Variants in STN1 observed in about 807,000 individuals in gnomAD.
STN1 encodes STN1 subunit of CST complex, also known as CST complex subunit STN1.
In STN1, 29 loss-of-function variants were observed where a neutral mutation model predicts 45.5. The observed-to-expected ratio is 0.64, with a 90% CI of 0.47 to 0.87. The LOEUF is 0.87. STN1 is among the 40% of genes least tolerant of loss of function. The probability of loss-of-function intolerance (pLI) is 0.00; values close to 1 mark genes in which losing one functional copy is unlikely to be tolerated. For missense variants in STN1, 376 were observed against 441.4 expected, an observed-to-expected ratio of 0.85 and a Z score of 1.33; for synonymous variants, 148 against 159.0, an observed-to-expected ratio of 0.93 and a Z score of 0.52.
intron 2 of STN1, among the ~76,000 whole-genome samples, chr10:103,916,274 C>T (rs1024681336): frequency 2.6e-5 from 4 of 152,186 alleles, no homozygotes; most frequent in African/African-American, 7.2e-5. Context: ...GTCCTTGGTA[C>T]CTGTTTTCTC....
At position 103,880,080 on chromosome 10, in the gene STN1, C is replaced by T. The variant is rs919812182; in HGVS notation, c.*2604G>A. On this transcript the variant is annotated 3_prime_UTR_variant, in exon 10 of 10. Coordinates refer to ENST00000224950, the MANE Select transcript of STN1 (RefSeq NM_024928.5). ...GCCTGGGCCAAGTATGGCTTCCACA[C>T]TGGTTGAGTTCTTGCCCAGCACCAA... 6.6e-6 allele frequency among the ~76,000 whole-genome samples: 1 copy of T among 152,230 alleles called. No individual in the cohort carries two copies. Among genetic ancestry groups the T allele is most frequent in the African/African-American group, 2.4e-5 (1 of 41,462 alleles).
chr10:103,882,673 C>A lies in STN1; in HGVS notation c.*11G>T. On this transcript the variant is annotated 3_prime_UTR_variant, in exon 10 of 10. Coordinates refer to ENST00000224950, the MANE Select transcript of STN1 (RefSeq NM_024928.5). The stretch of plus-strand genomic sequence containing the variant: ...ATCTTTGTCCTCCTCAGCTGGTCTG[C>A]GTGTCTCTGCTCAGAACGCTGTGTA... 2 of 1,596,866 alleles carry A rather than the reference C, an allele frequency of 1.3e-6. No individual in the cohort carries two copies. Among genetic ancestry groups the A allele is most frequent in the Non-Finnish European group, 1.7e-6 (2 of 1,168,968 alleles).
At chr10:103,887,336 A>C (rs72819477) in intron 9 of STN1, among the ~76,000 whole-genome samples, 18 of 152,354 alleles carry the variant, frequency 1.2e-4, no homozygotes, top group Non-Finnish European at 2.4e-4. Flanking sequence ...TATGTTTGTA[A>C]GTGCATATCT....
chr10:103,896,120 CT>C (rs1209350805), intron 7 of STN1, among the ~76,000 whole-genome samples: 1 of 152,194 alleles, frequency 6.6e-6, no homozygotes, highest in East Asian at 1.9e-4. Context: ...GGGAAAGAAA[CT>C]GACCTTTACC....
intron 3 of STN1, among the ~76,000 whole-genome samples, chr10:103,905,600 C>T (rs909104982): frequency 8.5e-5 from 13 of 152,264 alleles, no homozygotes; most frequent in African/African-American, 2.9e-4. Context: ...GCACTTAGGG[C>T]GCAGCCTTCT....
chr10:103,886,659 G>A (rs1843105489), intron 9 of STN1, among the ~76,000 whole-genome samples: 1 of 152,134 alleles, frequency 6.6e-6, no homozygotes, highest in Non-Finnish European at 1.5e-5. Flanking sequence ...AGAATTAGGG[G>A]TTACCACTTG....
intron 3 of STN1, among the ~76,000 whole-genome samples, chr10:103,908,870 A>G (rs892425360): frequency 6.7e-6 from 1 of 148,636 alleles, no homozygotes; most frequent in Non-Finnish European, 1.5e-5. Context: ...ACAGAAAACT[A>G]AAAATCAAAT....
chr10:103,907,563 T>A (rs1293137081), intron 3 of STN1, among the ~76,000 whole-genome samples: 3 of 152,214 alleles, frequency 2.0e-5, no homozygotes, highest in African/African-American at 7.2e-5. Context: ...CTATATTTCT[T>A]TGATACTGGG....
intron 4 of STN1, 95 bp downstream of exon 4, chr10:103,904,996 T>C (rs572397414): frequency 4.8e-6 from 5 of 1,041,114 alleles, no homozygotes; most frequent in Non-Finnish European, 7.5e-6. Context: ...AGCAGATAAA[T>C]GTGAAAATTT....
At chr10:103,911,090 T>TA (rs552320372) in intron 2 of STN1, among the ~76,000 whole-genome samples, 12 of 149,808 alleles carry the variant, frequency 8.0e-5, no homozygotes, top group African/African-American at 2.5e-4. Context: ...GCATTTTTTT[T>TA]AAAAAAAAAC....
At chr10:103,883,765 C>T (rs759896234) in intron 9 of STN1, among the ~76,000 whole-genome samples, 23 of 152,038 alleles carry the variant, frequency 1.5e-4, no homozygotes, top group Non-Finnish European at 2.8e-4. Flanking sequence ...TTGTATCAGC[C>T]CACTCCCTGT....
chr10:103,897,997 C>T (rs1843182664), intron 6 of STN1, among the ~76,000 whole-genome samples: 1 of 151,888 alleles, frequency 6.6e-6, no homozygotes, highest in South Asian at 2.1e-4. Context: ...AAATGGAAAC[C>T]CACAAAATCT....
At chr10:103,905,939 T>C (rs895106159) in intron 3 of STN1, among the ~76,000 whole-genome samples, 1 of 152,170 alleles carries the variant, frequency 6.6e-6, no homozygotes, top group African/African-American at 2.4e-5. Flanking sequence ...ATTTTCTCTT[T>C]GCCTAATTTC....
intron 1 of STN1, among the ~76,000 whole-genome samples, 184 bp from the exon 2 acceptor site, chr10:103,917,840 T>C (rs886995776): frequency 6.6e-6 from 1 of 152,216 alleles, no homozygotes; most frequent in Non-Finnish European, 1.5e-5. Flanking sequence ...GACGCCTGCG[T>C]TCCTTACGGC....
rs746752783 is a variant in STN1 at position 103,910,585 on chromosome 10, T to G, written c.171A>C (p.Val57=). The change falls in exon 3 of 10, where the codon GTA becomes GTC. Residue 57 remains valine, a synonymous_variant. Transcript: ENST00000224950. ...CTCCAATGACAGTTCCCAAGACATC[T>G]ACCTGTTTTATTGGATGTCCATTGT... is the stretch of plus-strand genomic sequence containing the variant. ...FLYNGHPIKQ[V]DVLGTVIGVR... 3.1e-6 allele frequency: 5 copies of G among 1,610,694 alleles called. No individual in the cohort carries two copies. Among genetic ancestry groups the G allele is most frequent in the Non-Finnish European group, 4.2e-6 (5 of 1,177,272 alleles).
intron 3 of STN1, among the ~76,000 whole-genome samples, chr10:103,908,007 T>C (rs1235827039): frequency 6.6e-6 from 1 of 151,866 alleles, no homozygotes; most frequent in Admixed American, 6.6e-5. Flanking sequence ...TAAGCACCTG[T>C]AGTCCCAGCT....
intron 3 of STN1, among the ~76,000 whole-genome samples, chr10:103,909,412 A>ATATATGTATATG (rs1564634978): frequency 6.2e-4 from 38 of 61,016 alleles, no homozygotes; most frequent in East Asian, 1.7e-3. Flanking sequence ...ATATATGTAT[A>ATATATGTATATG]TATGTATATA....
rs1024848993 is a variant in STN1 at position 103,889,593 on chromosome 10, A to C, written c.877-449T>G. Among the ~76,000 whole-genome samples the C allele has an allele frequency of 7.2e-5, 11 of 152,002 alleles. No individual in the cohort carries two copies. In the South Asian group the frequency reaches 8.3e-4, roughly 11 times the overall value. Reference sequence around the variant, plus strand: ...AAAAATAAAAGGAGAAAAAAAAAAAAAAAACCCTGCAAGGACAGGCTAGCA... The same window carrying C: ...AAAAATAAAAGGAGAAAAAAAAAAACAAAACCCTGCAAGGACAGGCTAGCA... On this transcript the variant is annotated intron_variant, in intron 8 of 9. Coordinates refer to ENST00000224950, the MANE Select transcript of STN1 (RefSeq NM_024928.5).
Position 103,897,341 on chromosome 10 carries a change from G to A in STN1, c.753+207C>T, listed in dbSNP as rs570860220. Among the ~76,000 whole-genome samples the A allele has an allele frequency of 7.2e-4, 109 of 151,890 alleles. 2 individuals are homozygous for A. The South Asian group carries it at 0.017, about 24-fold the overall frequency. On this transcript the variant is annotated intron_variant, in intron 7 of 9. Coordinates refer to ENST00000224950, the MANE Select transcript of STN1 (RefSeq NM_024928.5). ...AAAAAAAAGATTAGGTAAGGAGGAA[G>A]AAGGGGCAGGTCCAGCCTTATGCCT...
Sources: gnomAD v4.1 joint callset for allele counts (sites outside exome capture counted in the v4.1 genomes callset) on GRCh38, gnomAD v4.1.1 for gene constraint, MANE v1.5 for transcripts, NCBI Gene and HGNC (gene_info 2026-07-23, HGNC 2026-07-21) for gene names.